Variants in TPRG1 observed in about 807,000 individuals in gnomAD.
TPRG1 encodes the protein tumor protein p63-regulated gene 1 protein.
A neutral mutation model predicts 29.3 loss-of-function variants in TPRG1; 29 were observed. That is an observed-to-expected ratio of 0.99 (90% CI 0.74 to 1.35). TPRG1 has a LOEUF of 1.35. Ranked by LOEUF, TPRG1 falls within the 40% of genes most tolerant of loss-of-function variation. TPRG1 has a pLI of 0.00. For missense variants in TPRG1, 327 were observed against 335.0 expected, an observed-to-expected ratio of 0.98 and a Z score of 0.19; for synonymous variants, 130 against 116.8, an observed-to-expected ratio of 1.11 and a Z score of -0.73.
chr3:189,294,633 C>T (rs1719578328), intron 4 of TPRG1, among the ~76,000 whole-genome samples: 1 of 152,040 alleles, frequency 6.6e-6, no homozygotes, highest in Non-Finnish European at 1.5e-5. Context: ...TCAAATAGAC[C>T]AAAGACAATA....
chr3:189,009,782 CT>C (rs965594330), intron 3 of TPRG1, among the ~76,000 whole-genome samples: 4 of 151,668 alleles, frequency 2.6e-5, no homozygotes, highest in Non-Finnish European at 4.4e-5. Context: ...AATTCTCTCT[CT>C]TTTTTTTATT....
At chr3:189,190,857 C>T (rs897268376) in intron 1 of TPRG1, 10 of 505,824 alleles carry the variant, frequency 2.0e-5, no homozygotes, top group Non-Finnish European at 2.6e-5. Flanking sequence ...TATTCCTACT[C>T]CCCTCTTAGC....
rs1724516435 is a variant in TPRG1, at chr3:189,323,911, C to T, written c.*3091C>T. 1 of 152,134 alleles carries T rather than the reference C, an allele frequency of 6.6e-6. No individual in the cohort carries two copies. The highest frequency in any genetic ancestry group is 1.9e-4 in the East Asian group (1 of 5,188). 9.4% of individuals were successfully genotyped at this position (152,134 alleles called of 1,614,324 possible). ...TTTATTTCAGAAACTGCTTGAACAGCTCCACTGACAAATGCCTCACTATCT... is the reference window on the plus strand; with the variant it reads ...TTTATTTCAGAAACTGCTTGAACAGTTCCACTGACAAATGCCTCACTATCT... On this transcript the variant is annotated 3_prime_UTR_variant, in exon 6 of 6. Coordinates refer to ENST00000345063, the MANE Select transcript of TPRG1 (RefSeq NM_198485.4).
chr3:189,274,108 GA>G (rs1715690431), intron 4 of TPRG1, among the ~76,000 whole-genome samples: 1 of 138,008 alleles, frequency 7.2e-6, no homozygotes, highest in African/African-American at 3.3e-5. Flanking sequence ...TCGGAACCCA[GA>G]TTTTTTTTTT....
rs534353259 is a variant in TPRG1, at chr3:189,148,103, A to T, written c.-227+456A>T. On this transcript the variant is annotated intron_variant, in intron 4 of 6. Coordinates refer to the TPRG1 transcript ENST00000412373. ...AGTCAAAAGTCTTGGTGTTTGTAGG[A>T]TTTGTTTGTCTGCAAGGACAAAGAT... Among the ~76,000 whole-genome samples, 8 of 152,302 alleles carry T rather than the reference A, an allele frequency of 5.3e-5. No homozygotes were observed. The East Asian group carries it at 1.4e-3, about 26-fold the overall frequency.
At chr3:189,306,008 A>G (rs1189309366) in intron 4 of TPRG1, among the ~76,000 whole-genome samples, 2 of 152,218 alleles carry the variant, frequency 1.3e-5, no homozygotes, top group Non-Finnish European at 2.9e-5. Context: ...TCTATTTCTG[A>G]AATGAGACTT....
intron 3 of TPRG1, among the ~76,000 whole-genome samples, chr3:189,227,090 A>G (rs916273818): frequency 2.0e-5 from 3 of 151,966 alleles, no homozygotes; most frequent in African/African-American, 7.2e-5. Context: ...GGGAAGGGAG[A>G]TCATTGGAGC....
intron 4 of TPRG1, among the ~76,000 whole-genome samples, chr3:189,287,772 C>G (rs1276763927): frequency 6.6e-6 from 1 of 152,038 alleles, no homozygotes; most frequent in African/African-American, 2.4e-5. Flanking sequence ...GCTTAAATAC[C>G]AGCATTTTCA....
chr3:189,115,313 A>C (rs554904445), intron 1 of TPRG1, among the ~76,000 whole-genome samples: 40 of 152,342 alleles, frequency 2.6e-4, no homozygotes, highest in African/African-American at 9.6e-4. Context: ...TGGCGCATGG[A>C]CTGGGAACCT....
chr3:189,257,819 A>G (rs1413109276), intron 4 of TPRG1, among the ~76,000 whole-genome samples: 2 of 152,098 alleles, frequency 1.3e-5, no homozygotes, highest in African/African-American at 4.8e-5. Flanking sequence ...TGTATGCTTC[A>G]CAAGGTTCTC....
At chr3:189,051,548 C>T (rs190538042) in intron 4 of TPRG1, among the ~76,000 whole-genome samples, 2 of 152,080 alleles carry the variant, frequency 1.3e-5, no homozygotes, top group Admixed American at 6.5e-5. Flanking sequence ...TCAAGCAATC[C>T]TCATCAGAAT....
intron 3 of TPRG1, among the ~76,000 whole-genome samples, chr3:189,014,847 C>A (rs1175051844): frequency 1.3e-5 from 2 of 152,086 alleles, no homozygotes; most frequent in Non-Finnish European, 2.9e-5. Context: ...GCCTTTTCTT[C>A]ATAAATTACT....
intron 4 of TPRG1, among the ~76,000 whole-genome samples, chr3:189,081,024 T>C (rs1322221762): frequency 6.6e-6 from 1 of 152,068 alleles, no homozygotes. Context: ...GATGAATATT[T>C]CTCTTTATAG....
At chr3:189,228,346 A>C (rs79181653) in intron 3 of TPRG1, among the ~76,000 whole-genome samples, 2,516 of 150,642 alleles carry the variant, frequency 0.017, 82 homozygotes, top group African/African-American at 0.059. Flanking sequence ...AGTATTCCTC[A>C]TAACTGTAGA....
intron 4 of TPRG1, among the ~76,000 whole-genome samples, chr3:189,055,643 T>A (rs1348329188): frequency 2.0e-5 from 3 of 152,214 alleles, no homozygotes; most frequent in Non-Finnish European, 4.4e-5. Flanking sequence ...ATTCTCTGAC[T>A]GTGTAGGCAA....
chr3:189,111,941 T>C (rs1004148737), intron 1 of TPRG1, among the ~76,000 whole-genome samples: 1 of 152,190 alleles, frequency 6.6e-6, no homozygotes, highest in African/African-American at 2.4e-5. Flanking sequence ...ACTCTTCTGA[T>C]GGTGCCCTTT....
chr3:189,089,858 C>T (rs1212013837), intron 4 of TPRG1, among the ~76,000 whole-genome samples: 2 of 152,082 alleles, frequency 1.3e-5, no homozygotes, highest in Admixed American at 6.5e-5. Context: ...AACATTTAAA[C>T]CATAGCAACT....
At chr3:189,263,425 C>A (rs189235804) in intron 4 of TPRG1, among the ~76,000 whole-genome samples, 215 of 152,298 alleles carry the variant, frequency 1.4e-3, no homozygotes, top group Non-Finnish European at 2.4e-3. Flanking sequence ...TCCCAAGAAC[C>A]TGAAGGACAT....
At chr3:189,075,340 G>T (rs1462208828) in intron 4 of TPRG1, among the ~76,000 whole-genome samples, 1 of 151,204 alleles carries the variant, frequency 6.6e-6, no homozygotes, top group Admixed American at 6.6e-5. Flanking sequence ...TCACCATGTT[G>T]GCCAGGCTGT....
Sources: allele counts gnomAD v4.1 joint callset (sites outside exome capture counted in the v4.1 genomes callset), GRCh38; gene constraint gnomAD v4.1.1; transcripts MANE v1.5; gene names NCBI Gene and HGNC (gene_info 2026-07-23, HGNC 2026-07-21).